MOV10L1: variants seen among roughly 807,000 people sequenced by gnomAD.
MOV10L1 encodes the protein RNA helicase Mov10l1.
Under a neutral mutation model 143.8 loss-of-function variants are expected in MOV10L1, and 110 were observed. The observed-to-expected ratio is 0.76, with a 90% confidence interval of 0.66 to 0.90. The LOEUF (loss-of-function observed/expected upper bound fraction) is 0.90, where lower values mean the gene tolerates loss of function less well. Among genes scored for constraint, MOV10L1 ranks in the 40% least tolerant of loss-of-function variants. MOV10L1 has a pLI of 0.00. For synonymous variants in MOV10L1, 593 were observed against 581.1 expected, an observed-to-expected ratio of 1.02 and a Z score of -0.29; for missense variants, 1,406 against 1,526.8, an observed-to-expected ratio of 0.92 and a Z score of 1.32.
At chr22:50,112,378 T>G (rs1309496030) in intron 5 of MOV10L1, among the ~76,000 whole-genome samples, 1 of 152,118 alleles carries the variant, frequency 6.6e-6, no homozygotes, top group Non-Finnish European at 1.5e-5. Context: ...AGGCTTCCTG[T>G]CTGTTCTCTG....
chr22:50,108,963 G>C, intron 5 of MOV10L1, 119 bp downstream of exon 5: 1 of 889,864 alleles, frequency 1.1e-6, no homozygotes, highest in Non-Finnish European at 1.7e-6. Context: ...TGACCAACGT[G>C]GTGAAACTCT....
At chr22:50,136,132 A>G (rs981082947) in intron 15 of MOV10L1, among the ~76,000 whole-genome samples, 1 of 152,220 alleles carries the variant, frequency 6.6e-6, no homozygotes, top group Non-Finnish European at 1.5e-5. Context: ...CTTGAAAGTC[A>G]TCTGTGGCAT....
intron 9 of MOV10L1, among the ~76,000 whole-genome samples, chr22:50,119,842 G>C (rs1180196035): frequency 6.6e-6 from 1 of 151,626 alleles, no homozygotes; most frequent in Non-Finnish European, 1.5e-5. Flanking sequence ...AGCTGGGAGG[G>C]AATGAGGGAT....
chr22:50,150,388 G>A (rs1001566504), intron 20 of MOV10L1, among the ~76,000 whole-genome samples: 1 of 152,150 alleles, frequency 6.6e-6, no homozygotes, highest in African/African-American at 2.4e-5. Context: ...AGAGGCAAGG[G>A]GCAGGTGGGA....
At chr22:50,127,597 C>T (rs537863434) in intron 12 of MOV10L1, among the ~76,000 whole-genome samples, 1 of 152,302 alleles carries the variant, frequency 6.6e-6, no homozygotes, top group African/African-American at 2.4e-5. Context: ...ACTCACCCTA[C>T]CAGGGTGTTG....
intron 2 of MOV10L1, among the ~76,000 whole-genome samples, chr22:50,097,968 G>A (rs2062631261): frequency 6.6e-6 from 1 of 151,952 alleles, no homozygotes; most frequent in African/African-American, 2.4e-5. Flanking sequence ...CAAGTAGCTG[G>A]GACTGCAGGT....
rs186827227 is a variant in MOV10L1 at position 50,144,154 on chromosome 22, G to A, written c.2416G>A (p.Ala806Thr). 25 of 1,613,664 alleles carry A rather than the reference G, an allele frequency of 1.5e-5. No individual in the cohort carries two copies. Among genetic ancestry groups the A allele is most frequent in the Non-Finnish European group, 2.0e-5 (24 of 1,179,560 alleles). ...ILVCAPSNSA[A>T]DLVCLRLHES... is the part of the protein sequence containing the mutation. ...AGTCTGTGCGCCCTCCAACAGTGCT[G>A]CTGACCTCGTGTGTCTGCGGCTGCA... Residue 806 changes from alanine (A) to threonine (T), a missense_variant, in exon 18 of 27, where the codon GCT (alanine) becomes ACT (threonine). By Grantham distance (58) the Ala-to-Thr change is moderately conservative. Transcript: ENST00000262794.
At chr22:50,124,304 C>G (rs1006424457) in intron 10 of MOV10L1, among the ~76,000 whole-genome samples, 1 of 152,188 alleles carries the variant, frequency 6.6e-6, no homozygotes, top group African/African-American at 2.4e-5. Flanking sequence ...TGTTTTTATT[C>G]ATCTCCTAAG....
intron 3 of MOV10L1, among the ~76,000 whole-genome samples, chr22:50,107,864 C>G (rs2061915337): frequency 6.6e-6 from 1 of 152,220 alleles, no homozygotes; most frequent in Admixed American, 6.5e-5. Flanking sequence ...AGATGTGCCA[C>G]ACGAGGAGGG....
Position 50,125,460 on chromosome 22 carries a change from A to G in MOV10L1, c.1638A>G (p.Glu546=). The G allele has an allele frequency of 6.2e-7, 1 of 1,614,226 alleles. No individual in the cohort carries two copies. ...TLLWLEEIYA[E]MELKEYNMSG... ...TGTGGCTTGAGGAGATTTATGCAGA[A>G]ATGGAACTGAAAGAGTATAACATGA... The change falls in exon 11 of 27, where the codon GAA becomes GAG. Residue 546 remains glutamate (E), a synonymous_variant. Coordinates refer to ENST00000262794, the MANE Select transcript of MOV10L1 (RefSeq NM_018995.3).
chr22:50,092,172 T>C lies in MOV10L1; in HGVS notation c.269T>C (p.Leu90Pro), dbSNP rs747835290. Residue 90 changes from leucine to proline, a missense_variant, in exon 2 of 27, where the codon CTG becomes CCG. Leu to Pro is a moderately conservative substitution (Grantham distance 98, BLOSUM62 -3). Transcript: ENST00000262794. ...VVEENKVSNG[L>P]KAIRVEAVSD... Reference sequence around the variant, plus strand: ...GAAGAAAATAAAGTGTCCAATGGACTGAAAGCAATCAGGGTAAGGTTTGAG... The same window carrying C: ...GAAGAAAATAAAGTGTCCAATGGACCGAAAGCAATCAGGGTAAGGTTTGAG... 3.7e-6 allele frequency: 6 copies of C among 1,613,880 alleles called. No homozygotes were observed. The highest frequency in any genetic ancestry group is 3.3e-5 in the Admixed American group (2 of 59,934).
chr22:50,160,814 G>A lies in MOV10L1; in HGVS notation c.3451G>A (p.Val1151Ile). 1 of 1,613,994 alleles carries A rather than the reference G, an allele frequency of 6.2e-7. No individual in the cohort carries two copies. The highest frequency in any genetic ancestry group is 1.7e-5 in the Admixed American group (1 of 59,990). Reference sequence around the variant, plus strand: ...GCTGATAGTGCTGGGAAACCCCCATGTTCTCGTTCGAGTGAGTTTTCAGGC... The same window carrying A: ...GCTGATAGTGCTGGGAAACCCCCATATTCTCGTTCGAGTGAGTTTTCAGGC... The part of the protein sequence containing the change: ...ALLIVLGNPH[V>I]LVRDPCFGAL... Residue 1151 changes from valine to isoleucine, a missense_variant, in exon 25 of 27, where the codon GTT (valine) becomes ATT (isoleucine). Physicochemically the swap from Val to Ile is conservative, Grantham distance 29. Transcript: ENST00000262794.
At chr22:50,104,500 A>G (rs543224843) in intron 3 of MOV10L1, among the ~76,000 whole-genome samples, 115 of 152,342 alleles carry the variant, frequency 7.5e-4, no homozygotes, top group African/African-American at 2.7e-3. Flanking sequence ...AGCCAGGATG[A>G]CCATGTGGTT....
intron 3 of MOV10L1, among the ~76,000 whole-genome samples, chr22:50,101,899 C>T (rs966542624): frequency 1.2e-4 from 19 of 152,254 alleles, no homozygotes; most frequent in African/African-American, 3.6e-4. Context: ...GCCAGAGAAA[C>T]GCTCAGTTCT....
chr22:50,105,377 T>C (rs1320769929), intron 3 of MOV10L1, among the ~76,000 whole-genome samples: 2 of 152,192 alleles, frequency 1.3e-5, no homozygotes, highest in African/African-American at 4.8e-5. Context: ...TTCATGCCCT[T>C]ACACAATGTC....
In MOV10L1 at chr22:50,117,278, T is replaced by C. The variant is rs1602207516; in HGVS notation, c.1381T>C (p.Ser461Pro). ...ACTAATTGCTGCGCGCGAACCATTT[T>C]CTTGGAAAAAGCTTAAAAGTTCACA... ...ESLIAAREPF[S>P]WKKLKSSQAL... Residue 461 changes from serine to proline, a missense_variant, in exon 9 of 27, where the codon TCT becomes CCT. Ser to Pro is a moderately conservative substitution (Grantham distance 74). This residue lies in a region of MOV10L1 where 1,233 missense variants were observed against 1,351.4 expected (regional missense o/e 0.91). Coordinates refer to ENST00000262794, the MANE Select transcript of MOV10L1 (RefSeq NM_018995.3). The C allele has an allele frequency of 6.2e-7, 1 of 1,614,196 alleles. No individual in the cohort carries two copies. The highest frequency in any genetic ancestry group is 2.2e-5 in the East Asian group (1 of 44,882).
Position 50,145,018 on chromosome 22 carries a change from C to T in MOV10L1, c.2506-671C>T, listed in dbSNP as rs183566688. On this transcript the variant is annotated intron_variant, in intron 18 of 26. Coordinates refer to ENST00000262794, the MANE Select transcript of MOV10L1 (RefSeq NM_018995.3). ...AGTGCAGTGGTGTGATCTTGGCTAA[C>T]TGCAACCTCCGCCTCCCGGGTTCAA... 3.9e-5 allele frequency among the ~76,000 whole-genome samples: 6 copies of T among 152,236 alleles called. No individual in the cohort carries two copies. In the East Asian group the frequency reaches 1.2e-3, roughly 30 times the overall value.
intron 3 of MOV10L1, among the ~76,000 whole-genome samples, chr22:50,101,968 CA>C (rs2061756079): frequency 6.6e-6 from 1 of 152,190 alleles, no homozygotes; most frequent in Non-Finnish European, 1.5e-5. Flanking sequence ...AAGCCCCTCT[CA>C]GGGGTGTCGC....
At chr22:50,135,860 A>C (rs763422600) in intron 15 of MOV10L1, among the ~76,000 whole-genome samples, 1 of 152,106 alleles carries the variant, frequency 6.6e-6, no homozygotes, top group African/African-American at 2.4e-5. Context: ...TTGTGAATAC[A>C]ATAGAAGTGG....
Sources: gnomAD v4.1 joint callset for allele counts (sites outside exome capture counted in the v4.1 genomes callset) on GRCh38, gnomAD v4.1.1 for gene constraint, gnomAD v4.1.1 regional missense constraint, MANE v1.5 for transcripts, NCBI Gene and HGNC (gene_info 2026-07-23, HGNC 2026-07-21) for gene names.